Variants in NLRP8 observed in about 807,000 individuals in gnomAD.
The protein encoded by NLRP8 is NLR family pyrin domain containing 8, also known as NACHT, LRR and PYD domains-containing protein 8.
In NLRP8, 86 loss-of-function variants were observed where a neutral mutation model predicts 88.7. The ratio of observed to expected loss-of-function variants is 0.97; its 90% CI spans 0.81 to 1.16. The LOEUF (loss-of-function observed/expected upper bound fraction) is 1.16, where lower values mean the gene tolerates loss of function less well. Ranked by LOEUF, NLRP8 falls within the 50% of genes most tolerant of loss-of-function variation. NLRP8 has a pLI of 0.00. For missense variants in NLRP8, 1,342 were observed against 1,286.5 expected (o/e 1.04, Z -0.66); for synonymous variants, 504 against 494.6 (o/e 1.02, Z -0.25).
intron 1 of NLRP8, among the ~76,000 whole-genome samples, chr19:55,950,632 C>T (rs1979051595): frequency 6.6e-6 from 1 of 152,250 alleles, no homozygotes; most frequent in Non-Finnish European, 1.5e-5. Context: ...AGGTGACGCT[C>T]TGCCTTCTGG....
At chr19:55,987,288 T>G (rs930781842) in intron 9 of NLRP8, among the ~76,000 whole-genome samples, 5 of 152,210 alleles carry the variant, frequency 3.3e-5, no homozygotes, top group Non-Finnish European at 5.9e-5. Context: ...GAGAATCGCT[T>G]TAACCCAGGA....
At chr19:55,964,266 T>G (rs1560693) in intron 4 of NLRP8, among the ~76,000 whole-genome samples, 16,797 of 152,282 alleles carry the variant, frequency 0.11, 1,069 homozygotes, top group African/African-American at 0.18. Context: ...GCTGAGAATT[T>G]CATGGGATTA....
chr19:55,962,260 T>C, intron 4 of NLRP8, 23 bp downstream of exon 4: 2 of 1,603,766 alleles, frequency 1.2e-6, no homozygotes, highest in East Asian at 2.2e-5. Flanking sequence ...CAAATCCCAC[T>C]GGAAGGAACT....
At chr19:55,970,436 C>A in intron 5 of NLRP8, 108 bp from the exon 6 acceptor site, 1 of 1,285,526 alleles carries the variant, frequency 7.8e-7, no homozygotes, top group Non-Finnish European at 1.1e-6. Context: ...AATAATCCCC[C>A]GAGTCTCTGC....
At position 55,954,354 on chromosome 19, in the gene NLRP8, C is replaced by G. The variant is rs1016826540; in HGVS notation, c.443-147C>G. 8.8e-6 allele frequency: 7 copies of G among 793,694 alleles called. No individual in the cohort carries two copies. The African/African-American group carries it at 1.2e-4, about 14-fold the overall frequency. The allele number at this position is 793,694 out of a possible 1,614,324, so 49.2% of individuals were successfully genotyped here. A position where few individuals can be genotyped will look rare whatever the true frequency, so the allele number is the denominator to read the frequency against. ...GTTCGTTGGTGCTTCCTAGTTGACACAGCAGTATCAGGAAAGGTTATTTCA... is the reference window on the plus strand; with the variant it reads ...GTTCGTTGGTGCTTCCTAGTTGACAGAGCAGTATCAGGAAAGGTTATTTCA... On this transcript the variant is annotated intron_variant, in intron 2 of 9. Transcript: ENST00000291971.
chr19:55,987,012 A>T (rs1980876085), intron 9 of NLRP8, among the ~76,000 whole-genome samples: 1 of 151,778 alleles, frequency 6.6e-6, no homozygotes, highest in South Asian at 2.1e-4. Flanking sequence ...TTCCTCTAAA[A>T]CCTCATATTT....
At chr19:55,974,187 G>A (rs1344681765) in intron 7 of NLRP8, among the ~76,000 whole-genome samples, 1 of 152,252 alleles carries the variant, frequency 6.6e-6, no homozygotes, top group Non-Finnish European at 1.5e-5. Flanking sequence ...TGGCTTGACA[G>A]TTAAGGACAG....
intron 5 of NLRP8, among the ~76,000 whole-genome samples, chr19:55,969,357 G>A (rs1169918741): frequency 6.6e-6 from 1 of 152,114 alleles, no homozygotes; most frequent in Non-Finnish European, 1.5e-5. Context: ...GAGAACATAC[G>A]ACGTTTGGTT....
In NLRP8 at chr19:55,986,237, T is replaced by A. The variant is rs535229954; in HGVS notation, c.3048-1577T>A. ...ACACAAAAAATTAAAAAATGCCAAG[T>A]GCAACTTCCAGATTATGTAAAATAA... is the stretch of plus-strand genomic sequence containing the variant. On this transcript the variant is annotated intron_variant, in intron 9 of 9. Coordinates refer to ENST00000291971, the MANE Select transcript of NLRP8 (RefSeq NM_176811.2). Among the ~76,000 whole-genome samples the A allele has an allele frequency of 1.6e-4, 25 of 151,908 alleles. 2 individuals are homozygous for A. In the South Asian group the frequency reaches 5.2e-3, roughly 32 times the overall value.
At chr19:55,979,302 T>TA in intron 8 of NLRP8, 92 bp from the exon 9 acceptor site, 1 of 1,353,380 alleles carries the variant, frequency 7.4e-7, no homozygotes, top group South Asian at 1.3e-5. Flanking sequence ...CCTGTCAGTG[T>TA]GATTTCTTGG....
At chr19:55,975,206 G>A (rs1375748793) in intron 7 of NLRP8, among the ~76,000 whole-genome samples, 1 of 152,204 alleles carries the variant, frequency 6.6e-6, no homozygotes, top group African/African-American at 2.4e-5. Flanking sequence ...GGCTCTGCCT[G>A]CGTGAATTCC....
chr19:55,976,192 A>C lies in NLRP8; in HGVS notation c.2765A>C (p.Lys922Thr). ...CAGGATATGATCTCTGCGCTCTGTA[A>C]AAATAAAACCCTGAAAAGTCTTGAC... The change falls in exon 8 of 10, where the codon AAA (lysine) becomes ACA (threonine). Residue 922 changes from lysine (K) to threonine (T), a missense_variant. Lys to Thr is a moderately conservative substitution (Grantham distance 78). Coordinates refer to ENST00000291971, the MANE Select transcript of NLRP8 (RefSeq NM_176811.2). 1.2e-6 allele frequency: 2 copies of C among 1,613,798 alleles called. No homozygotes were observed. The highest frequency in any genetic ancestry group is 1.1e-5 in the South Asian group (1 of 91,020).
chr19:55,958,472 G>A (rs1979470952), intron 3 of NLRP8, among the ~76,000 whole-genome samples: 1 of 152,144 alleles, frequency 6.6e-6, no homozygotes, highest in African/African-American at 2.4e-5. Context: ...GTTTCTCCAG[G>A]GCAGAGGTAA....
In NLRP8 at chr19:55,955,236, GC is replaced by G; in HGVS notation, c.1180del (p.Arg394GlyfsTer13). The G allele has an allele frequency of 1.2e-6, 2 of 1,614,198 alleles. No homozygotes were observed. The highest frequency in any genetic ancestry group is 1.7e-6 in the Non-Finnish European group (2 of 1,180,042). On this transcript the variant is annotated frameshift_variant, in exon 3 of 10. Transcript: ENST00000291971. LOFTEE classifies it high-confidence loss of function. Reference sequence around the variant, plus strand: ...GAAAACACCATTCTCTTCTCCATGTGCCGGGTCCCTGTGGTTTGCTGGATGG... The same window carrying G: ...GAAAACACCATTCTCTTCTCCATGTGCGGGTCCCTGTGGTTTGCTGGATGG...
At chr19:55,979,364 T>C in intron 8 of NLRP8, 30 bp from the exon 9 acceptor site, 2 of 1,611,768 alleles carry the variant, frequency 1.2e-6, no homozygotes, top group Non-Finnish European at 1.7e-6. Context: ...ATGACTTCTC[T>C]GCTGTCTGCT....
At position 55,976,623 on chromosome 19, in the gene NLRP8, G is replaced by A. The variant is rs148866240; in HGVS notation, c.2876+320G>A. ...CCAGTTGAATAAAAGATAACAAAGA[G>A]TTTGTCACTTTTAGACTGATATCTG... is the stretch of plus-strand genomic sequence containing the variant. On this transcript the variant is annotated intron_variant, in intron 8 of 9. Coordinates refer to ENST00000291971, the MANE Select transcript of NLRP8 (RefSeq NM_176811.2). Among the ~76,000 whole-genome samples, 4 of 151,698 alleles carry A rather than the reference G, an allele frequency of 2.6e-5. No homozygotes were observed. In the East Asian group the frequency reaches 7.8e-4, roughly 29 times the overall value.
In NLRP8 at chr19:55,955,805, A is replaced by T; in HGVS notation, c.1747A>T (p.Asn583Tyr). The T allele has an allele frequency of 6.2e-7, 1 of 1,614,198 alleles. No individual in the cohort carries two copies. The highest frequency in any genetic ancestry group is 8.5e-7 in the Non-Finnish European group (1 of 1,180,034). ...ATTCCAATGCAAGGTGTCTTTCGGT[A>T]ATAAGAGGAAACTGCTGAAAGTCAT... The change falls in exon 3 of 10, where the codon AAT (asparagine) becomes TAT (tyrosine). Residue 583 changes from asparagine to tyrosine, a missense_variant. Asn to Tyr is a moderately radical substitution (Grantham distance 143). Coordinates refer to ENST00000291971, the MANE Select transcript of NLRP8 (RefSeq NM_176811.2).
chr19:55,983,173 T>C (rs1261647036), intron 9 of NLRP8, among the ~76,000 whole-genome samples: 1 of 151,798 alleles, frequency 6.6e-6, no homozygotes, highest in African/African-American at 2.4e-5. Context: ...AAAGAATATT[T>C]TGAAAGTAGG....
chr19:55,950,548 C>A (rs1438198700), intron 1 of NLRP8, among the ~76,000 whole-genome samples: 1 of 152,176 alleles, frequency 6.6e-6, no homozygotes, highest in Non-Finnish European at 1.5e-5. Context: ...TCAATACTTA[C>A]AGCGCTTTCA....
Sources: gnomAD v4.1 joint callset for allele counts (sites outside exome capture counted in the v4.1 genomes callset) on GRCh38, gnomAD v4.1.1 for gene constraint, MANE v1.5 for transcripts, NCBI Gene and HGNC (gene_info 2026-07-23, HGNC 2026-07-21) for gene names.